JAK1: variants seen among roughly 807,000 people sequenced by gnomAD.
The protein encoded by JAK1 is tyrosine-protein kinase JAK1.
A neutral mutation model predicts 136.6 loss-of-function variants in JAK1; 16 were observed. The observed-to-expected ratio is 0.12, with a 90% CI of 0.08 to 0.18. JAK1 has a LOEUF of 0.18. JAK1 is among the 10% of genes least tolerant of loss of function. The pLI, the probability that JAK1 is intolerant of heterozygous loss-of-function variation, is 1.00. For missense variants in JAK1, 859 were observed against 1,450.1 expected, an observed-to-expected ratio of 0.59 and a Z score of 6.62; for synonymous variants, 492 against 519.5, an observed-to-expected ratio of 0.95 and a Z score of 0.72.
intron 24 of JAK1, 47 bp from the exon 25 acceptor site, chr1:64,834,704 A>ACTT (rs780582786): frequency 8.2e-7 from 1 of 1,218,856 alleles, no homozygotes; most frequent in African/African-American, 1.5e-5. Context: ...AGATCTGGGA[A>ACTT]CTTTAAAAAA....
intron 13 of JAK1, 103 bp downstream of exon 13, chr1:64,847,429 C>A: frequency 5.7e-6 from 8 of 1,413,910 alleles, no homozygotes; most frequent in Non-Finnish European, 7.8e-6. Flanking sequence ...AGTTTGAAAA[C>A]CACTGGGCCA....
In JAK1 at chr1:64,847,454, G is replaced by A. The variant is rs918354779; in HGVS notation, c.1899+78C>T. 5 of 1,545,070 alleles carry A rather than the reference G, an allele frequency of 3.2e-6. No homozygotes were observed. The African/African-American group carries it at 4.1e-5, about 13-fold the overall frequency. ...CCACTGGGCCACAAGAAGGGCAAGG[G>A]TTCTTCTCAACCCATTGTGTTCCAC... On this transcript the variant is annotated intron_variant, in intron 13 of 24. Coordinates refer to ENST00000342505, the MANE Select transcript of JAK1 (RefSeq NM_002227.4).
At chr1:64,999,777 TC>T (rs1208987518) in intron 2 of JAK1, among the ~76,000 whole-genome samples, 1 of 150,276 alleles carries the variant, frequency 6.7e-6, no homozygotes, top group Non-Finnish European at 1.5e-5. Context: ...TTCAGGATCC[TC>T]CCCAAACTGG....
At chr1:64,846,517 T>C in intron 14 of JAK1, 132 bp downstream of exon 14, 1 of 667,348 alleles carries the variant, frequency 1.5e-6, no homozygotes. Flanking sequence ...GCTCAGTCCC[T>C]CAATCTCCTC....
chr1:64,932,856 G>A (rs989466953), intron 1 of JAK1, among the ~76,000 whole-genome samples: 2 of 151,982 alleles, frequency 1.3e-5, no homozygotes, highest in Admixed American at 6.6e-5. Context: ...ACTCTGCACT[G>A]CCCTCCCAAC....
At chr1:64,985,879 C>T in intron 2 of JAK1, 1 of 641,432 alleles carries the variant, frequency 1.6e-6, no homozygotes, top group Non-Finnish European at 2.8e-6. Context: ...ATCATACAAC[C>T]AATGGAGAAT....
intron 1 of JAK1, among the ~76,000 whole-genome samples, chr1:64,895,020 G>A (rs891438016): frequency 3.3e-5 from 5 of 152,064 alleles, no homozygotes; most frequent in African/African-American, 9.7e-5. Context: ...GAGCAGGATC[G>A]GCAGGTCACC....
chr1:65,012,426 A>G (rs943173489), intron 2 of JAK1, among the ~76,000 whole-genome samples: 4 of 152,178 alleles, frequency 2.6e-5, no homozygotes, highest in African/African-American at 9.7e-5. Context: ...TGACAAACTA[A>G]GAATGTTAGA....
At chr1:64,962,935 G>A (rs932346584) in intron 1 of JAK1, among the ~76,000 whole-genome samples, 1 of 152,172 alleles carries the variant, frequency 6.6e-6, no homozygotes, top group African/African-American at 2.4e-5. Flanking sequence ...ACCCAGGCAT[G>A]GTGGAACGTG....
intron 1 of JAK1, among the ~76,000 whole-genome samples, chr1:64,952,199 C>T (rs1401321699): frequency 2.6e-5 from 4 of 152,078 alleles, no homozygotes; most frequent in African/African-American, 9.7e-5. Context: ...TGAGGGAAAG[C>T]AGAGTGTAGG....
At chr1:65,066,404 G>A (rs1225397858) in intron 1 of JAK1, among the ~76,000 whole-genome samples, 1 of 152,216 alleles carries the variant, frequency 6.6e-6, no homozygotes, top group Non-Finnish European at 1.5e-5. Flanking sequence ...ACGAGCTCTA[G>A]CTGATGGAAA....
At chr1:64,847,267 G>A (rs1055286718) in intron 13 of JAK1, among the ~76,000 whole-genome samples, 4 of 151,940 alleles carry the variant, frequency 2.6e-5, no homozygotes, top group Non-Finnish European at 2.9e-5. Context: ...CCACAGCACA[G>A]CCACCTGGAC....
At chr1:65,023,917 T>A (rs1298077903) in intron 2 of JAK1, among the ~76,000 whole-genome samples, 4 of 150,978 alleles carry the variant, frequency 2.6e-5, no homozygotes, top group Admixed American at 2.6e-4. Flanking sequence ...TTCATCCTTT[T>A]TTTTTTTTTT....
At chr1:64,869,232 A>T in intron 6 of JAK1, 79 bp downstream of exon 6, 17 of 1,356,938 alleles carry the variant, frequency 1.3e-5, no homozygotes, top group Non-Finnish European at 1.7e-5. Flanking sequence ...CCCTGGCAGT[A>T]ATTAAGCTGA....
chr1:64,886,699 C>T lies in JAK1; in HGVS notation c.-77-358G>A, dbSNP rs181008237. ...AACAATAGTTTAAGACACCCAAAAA[C>T]GCGCACTTTAATTTCTCATTCCTTC... On this transcript the variant is annotated intron_variant, in intron 1 of 24. Coordinates refer to ENST00000342505, the MANE Select transcript of JAK1 (RefSeq NM_002227.4). 3.6e-3 allele frequency among the ~76,000 whole-genome samples: 542 copies of T among 151,700 alleles called. 5 individuals carry two copies. The highest frequency in any genetic ancestry group is 0.012 in the African/African-American group (489 of 41,364).
chr1:64,893,559 T>C (rs1371279907), intron 1 of JAK1, among the ~76,000 whole-genome samples: 1 of 152,204 alleles, frequency 6.6e-6, no homozygotes, highest in African/African-American at 2.4e-5. Flanking sequence ...CTCAGAATAA[T>C]AGAAGTATCT....
intron 2 of JAK1, among the ~76,000 whole-genome samples, chr1:64,982,781 T>C (rs1317398647): frequency 1.3e-5 from 2 of 151,706 alleles, no homozygotes; most frequent in Non-Finnish European, 1.5e-5. Flanking sequence ...TTTTTTTTCA[T>C]GTGTACATTC....
At chr1:64,880,780 C>A (rs1202206415) in intron 3 of JAK1, among the ~76,000 whole-genome samples, 5 of 152,042 alleles carry the variant, frequency 3.3e-5, no homozygotes, top group African/African-American at 9.6e-5. Context: ...ACCAGCCTGG[C>A]CAACATGGTG....
intron 1 of JAK1, among the ~76,000 whole-genome samples, chr1:65,060,300 A>G (rs948830315): frequency 3.3e-5 from 5 of 152,208 alleles, no homozygotes; most frequent in African/African-American, 4.8e-5. Context: ...TTATCAACTA[A>G]TATTTCTTGA....
Sources: gnomAD v4.1 joint callset for allele counts (sites outside exome capture counted in the v4.1 genomes callset) on GRCh38, gnomAD v4.1.1 for gene constraint, MANE v1.5 for transcripts, NCBI Gene and HGNC (gene_info 2026-07-23, HGNC 2026-07-21) for gene names.